Variants in SEMA3E observed in about 807,000 individuals in gnomAD.
SEMA3E encodes semaphorin 3E.
Under a neutral mutation model 93.6 loss-of-function variants are expected in SEMA3E, and 49 were observed. The ratio of observed to expected loss-of-function variants is 0.52; its 90% confidence interval spans 0.42 to 0.66. The LOEUF is 0.66. Among genes scored for constraint, SEMA3E ranks in the 30% least tolerant of loss-of-function variants. The pLI, the probability that SEMA3E is intolerant of heterozygous loss-of-function variation, is 0.00. For synonymous variants in SEMA3E, 363 were observed against 330.7 expected, an observed-to-expected ratio of 1.10 and a Z score of -1.06; for missense variants, 906 against 964.8, an observed-to-expected ratio of 0.94 and a Z score of 0.81.
chr7:83,451,947 T>C (rs775604038), intron 4 of SEMA3E, among the ~76,000 whole-genome samples: 40 of 152,206 alleles, frequency 2.6e-4, no homozygotes, highest in Non-Finnish European at 5.3e-4. Context: ...ATTTGCCCTT[T>C]AGGTGCCAAA....
intron 1 of SEMA3E, among the ~76,000 whole-genome samples, chr7:83,600,497 T>TG (rs1792969835): frequency 5.1e-5 from 5 of 98,128 alleles, no homozygotes; most frequent in East Asian, 3.2e-4. Flanking sequence ...TTTTTTTTTT[T>TG]TTTTTTTTTT....
At chr7:83,643,621 T>C (rs1794042285) in intron 1 of SEMA3E, among the ~76,000 whole-genome samples, 1 of 151,966 alleles carries the variant, frequency 6.6e-6, no homozygotes, top group South Asian at 2.1e-4. Context: ...ACAATATTTG[T>C]CTGTAGCAAA....
intron 1 of SEMA3E, among the ~76,000 whole-genome samples, chr7:83,507,342 G>A (rs533398287): frequency 3.7e-4 from 57 of 152,036 alleles, no homozygotes; most frequent in African/African-American, 1.4e-3. Flanking sequence ...CTGACTGGCA[G>A]GTACCCATTA....
chr7:83,602,214 T>C (rs1210026233), intron 1 of SEMA3E, among the ~76,000 whole-genome samples: 1 of 152,126 alleles, frequency 6.6e-6, no homozygotes, highest in African/African-American at 2.4e-5. Flanking sequence ...CCCTGTCTAA[T>C]CATAGGGAGT....
chr7:83,430,988 A>G (rs1053988507), intron 4 of SEMA3E, among the ~76,000 whole-genome samples: 8 of 152,144 alleles, frequency 5.3e-5, no homozygotes, highest in African/African-American at 1.9e-4. Flanking sequence ...CAAAATAGAA[A>G]AGGAAGTGGC....
intron 2 of SEMA3E, among the ~76,000 whole-genome samples, chr7:83,483,139 T>C (rs1327016595): frequency 6.6e-6 from 1 of 152,168 alleles, no homozygotes; most frequent in Non-Finnish European, 1.5e-5. Flanking sequence ...AAGTCATTAT[T>C]GCATTAATCA....
chr7:83,423,895 A>G (rs1028955488), intron 4 of SEMA3E, among the ~76,000 whole-genome samples: 2 of 152,136 alleles, frequency 1.3e-5, no homozygotes, highest in African/African-American at 2.4e-5. Flanking sequence ...TAACTTACTC[A>G]TGTAACCAAA....
At chr7:83,442,046 T>C (rs1327662447) in intron 4 of SEMA3E, among the ~76,000 whole-genome samples, 1 of 152,170 alleles carries the variant, frequency 6.6e-6, no homozygotes, top group Non-Finnish European at 1.5e-5. Context: ...CTACATATTA[T>C]GGAGAAAAAA....
At chr7:83,522,681 A>C (rs1791072848) in intron 1 of SEMA3E, among the ~76,000 whole-genome samples, 1 of 152,108 alleles carries the variant, frequency 6.6e-6, no homozygotes, top group Admixed American at 6.6e-5. Flanking sequence ...GATCCATGAC[A>C]TTATTAAGAA....
rs3757617 is a variant in SEMA3E, at chr7:83,586,876, G to T, written c.115+61552C>A. Among the ~76,000 whole-genome samples the T allele has an allele frequency of 4.9e-4, 75 of 152,192 alleles. 2 individuals are homozygous for T. In the East Asian group the frequency reaches 0.013, roughly 27 times the overall value. On this transcript the variant is annotated intron_variant, in intron 1 of 16. Transcript: ENST00000643230. ...ATATTCAAGTTAAAGGGTCATAGGT[G>T]CATGAAGATAGAGAAAAGACAGTAA...
chr7:83,608,379 G>T (rs973599911), intron 1 of SEMA3E, among the ~76,000 whole-genome samples: 1 of 152,058 alleles, frequency 6.6e-6, no homozygotes, highest in South Asian at 2.1e-4. Context: ...AAATAATAGA[G>T]CCTTAATAGG....
At chr7:83,400,317 A>T (rs75741745) in intron 10 of SEMA3E, 67 bp from the exon 11 acceptor site, 2 of 1,415,456 alleles carry the variant, frequency 1.4e-6, no homozygotes, top group Admixed American at 3.4e-5. Flanking sequence ...ATAATCAATT[A>T]TGAGAAGAAT....
intron 1 of SEMA3E, among the ~76,000 whole-genome samples, chr7:83,543,830 G>A (rs1000065680): frequency 6.6e-6 from 1 of 151,990 alleles, no homozygotes; most frequent in Non-Finnish European, 1.5e-5. Flanking sequence ...GCTAGGTATA[G>A]GCAAAAGAGA....
intron 1 of SEMA3E, among the ~76,000 whole-genome samples, chr7:83,598,255 G>GT (rs986494346): frequency 2.0e-5 from 3 of 152,134 alleles, no homozygotes; most frequent in Admixed American, 6.5e-5. Flanking sequence ...CCTAAATGCA[G>GT]TAAGATCTTG....
At chr7:83,601,610 G>T (rs1792999721) in intron 1 of SEMA3E, among the ~76,000 whole-genome samples, 1 of 151,988 alleles carries the variant, frequency 6.6e-6, no homozygotes, top group South Asian at 2.1e-4. Flanking sequence ...TTTAGAATGG[G>T]GCTTGAGAGA....
rs1789815174 is a variant in SEMA3E, at chr7:83,468,262, C to T, written c.336+981G>A. On this transcript the variant is annotated intron_variant, in intron 3 of 16. Coordinates refer to ENST00000643230, the MANE Select transcript of SEMA3E (RefSeq NM_012431.3). ...CATGATATTTTATTCTTTGGGTGAC[C>T]CATATATTTGGTAGAATCTTTTCAT... Among the ~76,000 whole-genome samples the T allele has an allele frequency of 2.6e-5, 4 of 152,112 alleles. No individual in the cohort carries two copies. The South Asian group carries it at 8.3e-4, about 32-fold the overall frequency.
chr7:83,464,967 C>T (rs1019214367), intron 4 of SEMA3E, among the ~76,000 whole-genome samples: 2 of 151,744 alleles, frequency 1.3e-5, no homozygotes, highest in South Asian at 4.2e-4. Context: ...GCCAAGCCAT[C>T]GCATCCCGTG....
intron 1 of SEMA3E, among the ~76,000 whole-genome samples, chr7:83,520,584 G>A (rs1412010597): frequency 6.6e-6 from 1 of 152,082 alleles, no homozygotes; most frequent in Non-Finnish European, 1.5e-5. Context: ...GTCTGCAGCA[G>A]TAGAAGGTCA....
At chr7:83,453,753 A>AG (rs5885354) in intron 4 of SEMA3E, among the ~76,000 whole-genome samples, 16,566 of 152,182 alleles carry the variant, frequency 0.11, 1,024 homozygotes, top group Non-Finnish European at 0.14. Context: ...GTGACCAAAA[A>AG]GTTTATAAAA....
Sources: allele counts gnomAD v4.1 joint callset (sites outside exome capture counted in the v4.1 genomes callset), GRCh38; gene constraint gnomAD v4.1.1; transcripts MANE v1.5; gene names NCBI Gene and HGNC (gene_info 2026-07-23, HGNC 2026-07-21).